BMPER: variants seen among roughly 807,000 people sequenced by gnomAD.
BMPER encodes BMP-binding endothelial regulator protein.
BMPER carries 45 observed loss-of-function variants against 87.3 expected under a neutral mutation model. The ratio of observed to expected loss-of-function variants is 0.52; its 90% confidence interval spans 0.41 to 0.66. BMPER has a LOEUF of 0.66. Ranked by LOEUF, BMPER falls within the 30% of genes least tolerant of loss-of-function variation. The pLI is 0.00. For synonymous variants in BMPER, 326 were observed against 316.2 expected, an observed-to-expected ratio of 1.03 and a Z score of -0.33; for missense variants, 784 against 867.5, an observed-to-expected ratio of 0.90 and a Z score of 1.21.
chr7:33,915,959 T>C (rs962893776), intron 2 of BMPER, among the ~76,000 whole-genome samples: 1 of 152,198 alleles, frequency 6.6e-6, no homozygotes, highest in African/African-American at 2.4e-5. Flanking sequence ...CTTGTCAGAA[T>C]TGTAAGTTAC....
intron 6 of BMPER, among the ~76,000 whole-genome samples, chr7:33,990,934 A>G (rs866191326): frequency 7.6e-4 from 93 of 122,532 alleles, no homozygotes; most frequent in African/African-American, 2.7e-3. Context: ...ATTTGCATAT[A>G]TTGAACCAGC....
In BMPER at chr7:33,989,260, C is replaced by T. The variant is rs1181749759; in HGVS notation, c.576+14476C>T. ...GTGTAAAAGTGTTCCTGTTTCTCCA[C>T]ATCCTCTCCAGCACCTGTTGTTTCC... On this transcript the variant is annotated intron_variant, in intron 6 of 14. Transcript: ENST00000649409. Among the ~76,000 whole-genome samples the T allele has an allele frequency of 2.7e-5, 4 of 147,166 alleles. No individual in the cohort carries two copies. In the South Asian group the frequency reaches 6.5e-4, roughly 24 times the overall value.
chr7:34,082,508 ATCT>A (rs1198056598), intron 12 of BMPER, among the ~76,000 whole-genome samples: 1 of 152,084 alleles, frequency 6.6e-6, no homozygotes, highest in Non-Finnish European at 1.5e-5. Flanking sequence ...TCTGTGAAAA[ATCT>A]TCTTAATGTA....
intron 13 of BMPER, among the ~76,000 whole-genome samples, chr7:34,091,377 G>T (rs1443043682): frequency 6.6e-6 from 1 of 152,190 alleles, no homozygotes; most frequent in South Asian, 2.1e-4. Flanking sequence ...GACTTGTCAA[G>T]AACTGCCATT....
chr7:33,943,756 C>T (rs1475707853), intron 3 of BMPER, among the ~76,000 whole-genome samples: 1 of 152,156 alleles, frequency 6.6e-6, no homozygotes, highest in Non-Finnish European at 1.5e-5. Context: ...GATATCTTTG[C>T]CTTCCCTCAT....
At chr7:33,970,733 T>C (rs1785523152) in intron 5 of BMPER, among the ~76,000 whole-genome samples, 1 of 152,156 alleles carries the variant, frequency 6.6e-6, no homozygotes, top group South Asian at 2.1e-4. Flanking sequence ...AGATGTCTTT[T>C]TACTGCTTCA....
chr7:34,004,153 C>A (rs997145678), intron 6 of BMPER, among the ~76,000 whole-genome samples: 6 of 152,006 alleles, frequency 3.9e-5, no homozygotes. Context: ...TTCATTTATT[C>A]TTTCTTCTGC....
At chr7:34,143,387 A>C (rs976327887) in intron 14 of BMPER, 27 bp downstream of exon 14, 20 of 1,613,250 alleles carry the variant, frequency 1.2e-5, no homozygotes, top group Non-Finnish European at 1.7e-5. Context: ...GGATCTACCC[A>C]TCAAAAGTTT....
At chr7:34,141,907 T>G (rs965317841) in intron 13 of BMPER, among the ~76,000 whole-genome samples, 1 of 152,262 alleles carries the variant, frequency 6.6e-6, no homozygotes, top group African/African-American at 2.4e-5. Context: ...GCAGACAGTG[T>G]GTCGATTTTA....
chr7:34,087,470 A>G (rs927419511), intron 13 of BMPER, among the ~76,000 whole-genome samples: 4 of 152,212 alleles, frequency 2.6e-5, no homozygotes, highest in African/African-American at 9.6e-5. Flanking sequence ...CAGCCCAGCT[A>G]TGCAACCTAA....
At chr7:34,150,451 A>G (rs904693785) in intron 14 of BMPER, among the ~76,000 whole-genome samples, 1 of 152,208 alleles carries the variant, frequency 6.6e-6, no homozygotes, top group East Asian at 1.9e-4. Flanking sequence ...GGCATCAGGA[A>G]GTTCCCCAGG....
At chr7:34,043,383 T>A (rs1489010399) in intron 6 of BMPER, among the ~76,000 whole-genome samples, 3 of 152,170 alleles carry the variant, frequency 2.0e-5, no homozygotes, top group Non-Finnish European at 4.4e-5. Context: ...AGTGAGAGCA[T>A]GGAGAATTGA....
In BMPER at chr7:33,911,290, A is replaced by G. The variant is rs140329484; in HGVS notation, c.219+4387A>G. On this transcript the variant is annotated intron_variant, in intron 2 of 14. Coordinates refer to ENST00000649409, the MANE Select transcript of BMPER (RefSeq NM_001365308.1). ...CTAGTTCTGAGAGTTATTCTCGTCC[A>G]TGCTTTATTCAGGCTCAGAGAAGTA... 4.5e-3 allele frequency among the ~76,000 whole-genome samples: 687 copies of G among 152,368 alleles called. 6 individuals carry two copies. Among genetic ancestry groups the G allele is most frequent in the Non-Finnish European group, 8.2e-3 (556 of 68,032 alleles).
intron 6 of BMPER, among the ~76,000 whole-genome samples, chr7:34,006,842 A>C (rs1007672011): frequency 6.6e-6 from 1 of 152,112 alleles, no homozygotes; most frequent in Non-Finnish European, 1.5e-5. Flanking sequence ...TATCAAAGCA[A>C]TCAATCTGTG....
intron 3 of BMPER, among the ~76,000 whole-genome samples, chr7:33,962,968 T>G (rs1785309660): frequency 6.6e-6 from 1 of 152,226 alleles, no homozygotes; most frequent in Non-Finnish European, 1.5e-5. Flanking sequence ...CATGAAGTCC[T>G]CAAAGCAAAG....
intron 2 of BMPER, among the ~76,000 whole-genome samples, chr7:33,926,698 A>C (rs529450302): frequency 6.6e-6 from 1 of 152,372 alleles, no homozygotes; most frequent in African/African-American, 2.4e-5. Flanking sequence ...TGAAGAGAAC[A>C]CAGTGCTAAT....
At chr7:34,141,919 A>G (rs1327990842) in intron 13 of BMPER, among the ~76,000 whole-genome samples, 1 of 152,118 alleles carries the variant, frequency 6.6e-6, no homozygotes, top group African/African-American at 2.4e-5. Context: ...TCGATTTTAT[A>G]CCCAGAGGTA....
chr7:34,032,006 TG>T (rs1787539511), intron 6 of BMPER, among the ~76,000 whole-genome samples: 2 of 146,064 alleles, frequency 1.4e-5, no homozygotes, highest in South Asian at 4.3e-4. Context: ...TGTGTGTGTG[TG>T]TGTATATATA....
At chr7:34,051,770 A>G (rs1247420357) in intron 7 of BMPER, 91 bp from the exon 8 acceptor site, 8 of 1,116,912 alleles carry the variant, frequency 7.2e-6, no homozygotes, top group Non-Finnish European at 1.1e-5. Context: ...TCTTATAAGA[A>G]TGTATAATGG....
Sources: allele counts gnomAD v4.1 joint callset (sites outside exome capture counted in the v4.1 genomes callset), GRCh38; gene constraint gnomAD v4.1.1; transcripts MANE v1.5; gene names NCBI Gene and HGNC (gene_info 2026-07-23, HGNC 2026-07-21).